The following TRDN variants were observed in gnomAD, a reference collection of about 807,000 sequenced individuals.
TRDN encodes the protein triadin.
Under a neutral mutation model 149.7 loss-of-function variants are expected in TRDN, and 161 were observed. That is an observed-to-expected ratio of 1.08 (90% CI 0.95 to 1.23). The LOEUF (loss-of-function observed/expected upper bound fraction) is 1.23, where lower values mean the gene tolerates loss of function less well. TRDN is among the 50% of genes most tolerant of loss of function. The pLI, the probability that TRDN is intolerant of heterozygous loss-of-function variation, is 0.00. For synonymous variants in TRDN, 294 were observed against 250.5 expected, an observed-to-expected ratio of 1.17 and a Z score of -1.64; for missense variants, 896 against 823.5, an observed-to-expected ratio of 1.09 and a Z score of -1.08.
intron 9 of TRDN, among the ~76,000 whole-genome samples, chr6:123,483,890 A>G (rs1479640303): frequency 6.6e-6 from 1 of 152,194 alleles, no homozygotes; most frequent in Non-Finnish European, 1.5e-5. Context: ...TCAATTGTGG[A>G]ACAATTATTA....
intron 2 of TRDN, among the ~76,000 whole-genome samples, chr6:123,559,546 C>T (rs1422813673): frequency 1.3e-5 from 2 of 152,130 alleles, no homozygotes; most frequent in Admixed American, 6.5e-5. Context: ...CTACTCCCTC[C>T]TTGGCAACCG....
intron 12 of TRDN, among the ~76,000 whole-genome samples, chr6:123,433,284 C>A (rs1774417845): frequency 6.6e-6 from 1 of 151,232 alleles, no homozygotes; most frequent in East Asian, 2.0e-4. Flanking sequence ...ATAATCTTAT[C>A]TATTTAAATA....
At chr6:123,285,634 C>T (rs900893709) in intron 24 of TRDN, among the ~76,000 whole-genome samples, 4 of 152,006 alleles carry the variant, frequency 2.6e-5, no homozygotes, top group African/African-American at 9.7e-5. Flanking sequence ...TAGGAAAAGA[C>T]TTCATGAACA....
At chr6:123,404,406 T>C (rs1037218814) in intron 12 of TRDN, among the ~76,000 whole-genome samples, 3 of 152,182 alleles carry the variant, frequency 2.0e-5, no homozygotes, top group African/African-American at 7.2e-5. Flanking sequence ...TTTTTAACCT[T>C]TTTTAATTTT....
intron 5 of TRDN, among the ~76,000 whole-genome samples, chr6:123,521,082 T>C (rs58941087): frequency 0.12 from 17,691 of 152,222 alleles, 1,311 homozygotes; most frequent in Non-Finnish European, 0.17. Flanking sequence ...CTTGTCAGCC[T>C]ATGACTCCAA....
Position 123,216,343 on chromosome 6 carries a change from A to G in TRDN, c.*2258T>C, listed in dbSNP as rs1236385313. ...TTAAAATGTAAGGCATCAAACTTGG[A>G]AGATCTATAACTATTTTATTAGACG... On this transcript the variant is annotated 3_prime_UTR_variant, in exon 41 of 41. Coordinates refer to ENST00000334268, the MANE Select transcript of TRDN (RefSeq NM_006073.4). 6.6e-6 allele frequency: 1 copy of G among 151,980 alleles called. No individual in the cohort carries two copies. The highest frequency in any genetic ancestry group is 2.4e-5 in the African/African-American group (1 of 41,444). The allele number at this position is 151,980 out of a possible 1,614,324, so 9.4% of individuals were successfully genotyped here. A position where few individuals can be genotyped will look rare whatever the true frequency, so the allele number is the denominator to read the frequency against.
chr6:123,374,527 C>T (rs115782580), intron 19 of TRDN, among the ~76,000 whole-genome samples: 149 of 152,174 alleles, frequency 9.8e-4, no homozygotes, highest in African/African-American at 3.5e-3. Context: ...TGTTAAACCT[C>T]TCTTGTAAAG....
At chr6:123,418,285 C>T (rs1035490175) in intron 12 of TRDN, among the ~76,000 whole-genome samples, 5 of 152,024 alleles carry the variant, frequency 3.3e-5, no homozygotes, top group East Asian at 1.9e-4. Flanking sequence ...TCATCAAATA[C>T]GTCTTCAGCT....
chr6:123,432,669 C>G (rs548705940), intron 12 of TRDN, among the ~76,000 whole-genome samples: 1 of 152,178 alleles, frequency 6.6e-6, no homozygotes, highest in South Asian at 2.1e-4. Context: ...ACTTTAGTCT[C>G]CATTTTTGCA....
At chr6:123,370,145 A>G (rs1315172591) in intron 19 of TRDN, among the ~76,000 whole-genome samples, 7 of 152,140 alleles carry the variant, frequency 4.6e-5, no homozygotes, top group African/African-American at 1.7e-4. Context: ...TGCACACCTA[A>G]GAAATAGAAT....
At chr6:123,264,811 C>A (rs1354141245) in intron 33 of TRDN, among the ~76,000 whole-genome samples, 1 of 152,060 alleles carries the variant, frequency 6.6e-6, no homozygotes, top group Non-Finnish European at 1.5e-5. Flanking sequence ...AAAAGTATTA[C>A]AACTTGCTGG....
rs367888574 is a variant in TRDN, at chr6:123,327,682, T to C, written c.1471+4197A>G. On this transcript the variant is annotated intron_variant, in intron 23 of 40. Coordinates refer to ENST00000334268, the MANE Select transcript of TRDN (RefSeq NM_006073.4). Reference sequence around the variant, plus strand: ...AAACATTAATTTTCATAGGATGATCTTGTATCCAGAAGTTTTGCTAATTTC... The same window carrying C: ...AAACATTAATTTTCATAGGATGATCCTGTATCCAGAAGTTTTGCTAATTTC... 4.6e-5 allele frequency among the ~76,000 whole-genome samples: 7 copies of C among 152,256 alleles called. No individual in the cohort carries two copies. In the East Asian group the frequency reaches 7.7e-4, roughly 17 times the overall value.
chr6:123,388,541 C>T lies in TRDN; in HGVS notation c.1116G>A (p.Lys372=). ...ACATACCTTCCTTCTTTTCATCCTTCTTAGCTGCTGCTGAAGTAATGAAAA... is the reference window on the plus strand; with the variant it reads ...ACATACCTTCCTTCTTTTCATCCTTTTTAGCTGCTGCTGAAGTAATGAAAA... ...TVKIAAQAAA[K]KDEKKEDSKK... The change falls in exon 14 of 41, where the codon AAG becomes AAA. Residue 372 remains lysine (K), a synonymous_variant. Coordinates refer to ENST00000334268, the MANE Select transcript of TRDN (RefSeq NM_006073.4). The T allele has an allele frequency of 1.3e-6, 2 of 1,586,634 alleles. No homozygotes were observed. The highest frequency in any genetic ancestry group is 2.3e-5 in the East Asian group (1 of 44,158).
At chr6:123,452,630 C>T (rs1489484065) in intron 10 of TRDN, among the ~76,000 whole-genome samples, 4 of 152,184 alleles carry the variant, frequency 2.6e-5, no homozygotes, top group Middle Eastern at 3.4e-3. Context: ...ACACATCCCA[C>T]GCTTATGGAT....
intron 4 of TRDN, among the ~76,000 whole-genome samples, chr6:123,544,849 C>T (rs1781036308): frequency 1.3e-5 from 2 of 151,820 alleles, no homozygotes; most frequent in African/African-American, 4.8e-5. Context: ...CAACAGATTC[C>T]ACAGGCTAGC....
intron 18 of TRDN, 49 bp downstream of exon 18, chr6:123,377,667 A>G: frequency 6.2e-7 from 1 of 1,608,968 alleles, no homozygotes. Context: ...CAGCATTAAT[A>G]AACACTGGAC....
At chr6:123,617,933 C>G (rs911863839) in intron 1 of TRDN, among the ~76,000 whole-genome samples, 1 of 151,978 alleles carries the variant, frequency 6.6e-6, no homozygotes, top group African/African-American at 2.4e-5. Context: ...AGATGGGTTT[C>G]GCCATGTTGG....
chr6:123,273,057 G>A, intron 28 of TRDN, 46 bp from the exon 29 acceptor site: 1 of 1,292,128 alleles, frequency 7.7e-7, no homozygotes, highest in Non-Finnish European at 1.0e-6. Context: ...TTAGAAGCTG[G>A]GAAAATAGCT....
chr6:123,586,479 A>G (rs560580679), intron 1 of TRDN, among the ~76,000 whole-genome samples: 83 of 152,268 alleles, frequency 5.5e-4, no homozygotes, highest in Non-Finnish European at 1.0e-3. Flanking sequence ...CAGAGACTAT[A>G]GAGGGACTGA....
Sources: gnomAD v4.1 joint callset for allele counts (sites outside exome capture counted in the v4.1 genomes callset) on GRCh38, gnomAD v4.1.1 for gene constraint, MANE v1.5 for transcripts, NCBI Gene and HGNC (gene_info 2026-07-23, HGNC 2026-07-21) for gene names.